Variants in ARHGEF15 observed in about 807,000 individuals in gnomAD.
ARHGEF15 encodes Rho guanine nucleotide exchange factor 15.
A neutral mutation model predicts 79.7 loss-of-function variants in ARHGEF15; 58 were observed. That is an observed-to-expected ratio of 0.73 (90% confidence interval 0.59 to 0.91). The LOEUF (loss-of-function observed/expected upper bound fraction) is 0.91. Ranked by LOEUF, ARHGEF15 falls within the 40% of genes least tolerant of loss-of-function variation. The probability of loss-of-function intolerance (pLI) is 0.00; values close to 1 mark genes in which losing one functional copy is unlikely to be tolerated. For synonymous variants in ARHGEF15, 442 were observed against 456.0 expected (o/e 0.97, Z 0.39); for missense variants, 1,012 against 1,108.1 (o/e 0.91, Z 1.23).
Position 8,318,532 on chromosome 17 carries a change from C to T in ARHGEF15, c.1780-38C>T. The T allele has an allele frequency of 1.2e-6, 2 of 1,612,114 alleles. No homozygotes were observed. The highest frequency in any genetic ancestry group is 1.7e-6 in the Non-Finnish European group (2 of 1,178,694). On this transcript the variant is annotated intron_variant, in intron 10 of 15. Coordinates refer to ENST00000361926, the MANE Select transcript of ARHGEF15 (RefSeq NM_173728.4). This position sits in a 1 kb window ranked among gnomAD's most constrained non-coding sequence, Gnocchi z 5.0. Reference sequence around the variant, plus strand: ...GAGAGAAATGGTAGGGAGCAGGGGGCTGGCCGCTGGGGTGGTGACACAGCT... The same window carrying T: ...GAGAGAAATGGTAGGGAGCAGGGGGTTGGCCGCTGGGGTGGTGACACAGCT...
chr17:8,319,305 C>T lies in ARHGEF15; in HGVS notation c.2187-7C>T, dbSNP rs745869114. ...CCAACTGTGACACTTCCCAATATCC[C>T]CACCAGATCAGACATGCAGCGCTGG... On this transcript the variant is annotated splice_region_variant and splice_polypyrimidine_tract_variant and intron_variant, in intron 13 of 15. Transcript: ENST00000361926. 5 of 1,613,512 alleles carry T rather than the reference C, an allele frequency of 3.1e-6. No individual in the cohort carries two copies. Among genetic ancestry groups the T allele is most frequent in the Non-Finnish European group, 4.2e-6 (5 of 1,179,750 alleles).
At chr17:8,313,386 G>C (rs545757687) in intron 3 of ARHGEF15, 115 bp from the exon 4 acceptor site, 1 of 1,495,924 alleles carries the variant, frequency 6.7e-7, no homozygotes, top group East Asian at 2.3e-5. Flanking sequence ...TGCTGCTCTG[G>C]TGCTGAAGAG....
intron 3 of ARHGEF15, 35 bp from the exon 4 acceptor site, chr17:8,313,465 GT>G (rs747736264): frequency 7.1e-5 from 113 of 1,582,396 alleles, no homozygotes; most frequent in East Asian, 5.4e-4. Context: ...GGATCCTGGA[GT>G]TTTTTTTTCT....
intron 9 of ARHGEF15, 37 bp downstream of exon 9, chr17:8,316,185 A>G (rs1400128086): frequency 2.5e-6 from 4 of 1,589,436 alleles, no homozygotes; most frequent in Admixed American, 1.7e-5. Flanking sequence ...TGCCCCACCA[A>G]CCCCATCGGA....
In ARHGEF15 at chr17:8,314,890, C is replaced by T. The variant is rs368655131; in HGVS notation, c.990-16C>T. On this transcript the variant is annotated splice_polypyrimidine_tract_variant and intron_variant, in intron 4 of 15. Transcript: ENST00000361926. ...GTGGTGGCCCTGGGGACTTCCTTCC[C>T]TTTCTTTCTCCACAGGGAAGAGGAG... 16 of 1,613,516 alleles carry T rather than the reference C, an allele frequency of 9.9e-6. No homozygotes were observed. Among genetic ancestry groups the T allele is most frequent in the Middle Eastern group, 1.7e-4 (1 of 5,992 alleles).
At position 8,312,303 on chromosome 17, in the gene ARHGEF15, G is replaced by A; in HGVS notation, c.264G>A (p.Gln88=). The change falls in exon 2 of 16, where the codon CAG becomes CAA. Residue 88 remains glutamine (Q), a synonymous_variant. Transcript: ENST00000361926. ...CTTCTAGAGCCAGCCTCGACTCCCAGACTTCCCCAGACTCACCTTCCAGCA... is the reference window on the plus strand; with the variant it reads ...CTTCTAGAGCCAGCCTCGACTCCCAAACTTCCCCAGACTCACCTTCCAGCA... ...PSASRASLDS[Q]TSPDSPSSTP... is the part of the protein sequence containing the mutation. The A allele has an allele frequency of 6.4e-7, 1 of 1,555,652 alleles. No homozygotes were observed. Among genetic ancestry groups the A allele is most frequent in the Non-Finnish European group, 8.7e-7 (1 of 1,152,626 alleles).
chr17:8,313,736 G>A, intron 4 of ARHGEF15, 181 bp downstream of exon 4: 2 of 552,282 alleles, frequency 3.6e-6, no homozygotes, highest in Non-Finnish European at 6.1e-6. Context: ...TCAATTCTGT[G>A]ATCTTATAGA....
At position 8,312,352 on chromosome 17, in the gene ARHGEF15, C is replaced by G; in HGVS notation, c.313C>G (p.Arg105Gly). 1 of 1,596,458 alleles carries G rather than the reference C, an allele frequency of 6.3e-7. No homozygotes were observed. Among genetic ancestry groups the G allele is most frequent in the South Asian group, 1.1e-5 (1 of 87,550 alleles). ...SSTPTPSPVS[R>G]RSASPEPAPR... The stretch of plus-strand genomic sequence containing the variant: ...CACCCCCACACCTAGTCCAGTGTCC[C>G]GGCGCTCCGCCTCCCCAGAACCTGC... The change falls in exon 2 of 16, where the codon CGG becomes GGG. Residue 105 changes from arginine (R) to glycine (G), a missense_variant. By Grantham distance (125) the Arg-to-Gly change is moderately radical (BLOSUM62 -2). Coordinates refer to ENST00000361926, the MANE Select transcript of ARHGEF15 (RefSeq NM_173728.4).
At chr17:8,319,727 C>G (rs1377810810) in intron 15 of ARHGEF15, 124 bp downstream of exon 15, 3 of 734,726 alleles carry the variant, frequency 4.1e-6, no homozygotes, top group African/African-American at 1.8e-5. Context: ...CCTCTGCCTC[C>G]TGGGTTCAAG....
chr17:8,321,911 G>A lies in ARHGEF15; in HGVS notation c.*918G>A, dbSNP rs1905409384. ...GAGCCCAAGGGACTGAAGATGGCCAGTAGCTGGGTCCTGAGGCCCCTGAAG... is the reference window on the plus strand; with the variant it reads ...GAGCCCAAGGGACTGAAGATGGCCAATAGCTGGGTCCTGAGGCCCCTGAAG... On this transcript the variant is annotated 3_prime_UTR_variant, in exon 16 of 16. Coordinates refer to ENST00000361926, the MANE Select transcript of ARHGEF15 (RefSeq NM_173728.4). The A allele has an allele frequency of 6.6e-6, 1 of 152,642 alleles. No homozygotes were observed. The highest frequency in any genetic ancestry group is 1.5e-5 in the Non-Finnish European group (1 of 68,094). The allele number at this position is 152,642 out of a possible 1,614,324, so 9.5% of individuals were successfully genotyped here. A position where few individuals can be genotyped will look rare whatever the true frequency, so the allele number is the denominator to read the frequency against.
In ARHGEF15 at chr17:8,320,822, CTCTG is replaced by C; in HGVS notation, c.2375-16_2375-13del. 3 of 1,611,428 alleles carry C rather than the reference CTCTG, an allele frequency of 1.9e-6. No individual in the cohort carries two copies. The highest frequency in any genetic ancestry group is 2.5e-6 in the Non-Finnish European group (3 of 1,179,330). On this transcript the variant is annotated splice_polypyrimidine_tract_variant and intron_variant, in intron 15 of 15. Coordinates refer to ENST00000361926, the MANE Select transcript of ARHGEF15 (RefSeq NM_173728.4). Reference sequence around the variant, plus strand: ...CTCCCTGCCCCCACCTCATTGGAGCCTCTGTCTCTCTTCCCCCAGGTTGGCTGAA... The same window carrying C: ...CTCCCTGCCCCCACCTCATTGGAGCCTCTCTCTTCCCCCAGGTTGGCTGAA...
At chr17:8,312,760 G>T in intron 2 of ARHGEF15, 120 bp downstream of exon 2, 1 of 1,591,188 alleles carries the variant, frequency 6.3e-7, no homozygotes, top group Non-Finnish European at 8.5e-7. Flanking sequence ...GGGATATCTG[G>T]TTTCTGTATG....
Position 8,316,001 on chromosome 17 carries a change from C to T in ARHGEF15, c.1575-18C>T. 6.2e-7 allele frequency: 1 copy of T among 1,600,358 alleles called. No individual in the cohort carries two copies. The highest frequency in any genetic ancestry group is 8.5e-7 in the Non-Finnish European group (1 of 1,178,088). On this transcript the variant is annotated intron_variant, in intron 8 of 15. Transcript: ENST00000361926. ...ACCAGGGCCTCCAGGCAGCCGCTAG[C>T]CATGCCTGCTTCTGCAGGGACACCA...
Position 8,312,587 on chromosome 17 carries a change from G to C in ARHGEF15, c.548G>C (p.Gly183Ala). The change falls in exon 2 of 16, where the codon GGG becomes GCG. Residue 183 changes from glycine (G) to alanine (A), a missense_variant. Physicochemically the swap from Gly to Ala is moderately conservative, Grantham distance 60. Coordinates refer to ENST00000361926, the MANE Select transcript of ARHGEF15 (RefSeq NM_173728.4). ...PGLQARADVN[G>A]EREAPLTGSG... is the part of the protein sequence containing the mutation. ...CTCCAAGCGAGAGCAGATGTGAATG[G>C]GGAGAGAGAAGCTCCCCTCACCGGG... 6.2e-7 allele frequency: 1 copy of C among 1,612,312 alleles called. No homozygotes were observed. The highest frequency in any genetic ancestry group is 8.5e-7 in the Non-Finnish European group (1 of 1,179,344).
intron 4 of ARHGEF15, 103 bp downstream of exon 4, chr17:8,313,658 G>A (rs1037249201): frequency 2.4e-6 from 3 of 1,265,622 alleles, no homozygotes; most frequent in African/African-American, 3.0e-5. Context: ...CTCCACAAAG[G>A]TGAGGGGACA....
intron 9 of ARHGEF15, among the ~76,000 whole-genome samples, chr17:8,317,372 T>A (rs1905090466): frequency 6.6e-6 from 1 of 152,254 alleles, no homozygotes; most frequent in South Asian, 2.1e-4. Context: ...AGCTCTAGCA[T>A]TATAGGTGTG....
chr17:8,313,476 T>C, intron 3 of ARHGEF15, 25 bp from the exon 4 acceptor site: 1 of 1,604,576 alleles, frequency 6.2e-7, no homozygotes. Flanking sequence ...TTTTTTTTTC[T>C]CTTCACTCTG....
rs765386914 is a variant in ARHGEF15 at position 8,312,013 on chromosome 17, T to G, written c.-27T>G. 1.0e-5 allele frequency: 16 copies of G among 1,546,338 alleles called. No homozygotes were observed. Among genetic ancestry groups the G allele is most frequent in the Middle Eastern group, 3.6e-4 (2 of 5,614 alleles). On this transcript the variant is annotated 5_prime_UTR_variant, in exon 2 of 16. Coordinates refer to ENST00000361926, the MANE Select transcript of ARHGEF15 (RefSeq NM_173728.4). ...CAGGGGATGACTCCAGCAGAGCACCTCACTCCTTTGAAGAGCACAGAGGAA... is the reference window on the plus strand; with the variant it reads ...CAGGGGATGACTCCAGCAGAGCACCGCACTCCTTTGAAGAGCACAGAGGAA...
intron 4 of ARHGEF15, among the ~76,000 whole-genome samples, chr17:8,314,505 G>C (rs1489760569): frequency 6.6e-6 from 1 of 152,026 alleles, no homozygotes; most frequent in African/African-American, 2.4e-5. Flanking sequence ...TGCTACGTGA[G>C]ACGGCTGACA....
Sources: gnomAD v4.1 joint callset for allele counts (sites outside exome capture counted in the v4.1 genomes callset) on GRCh38, gnomAD v4.1.1 for gene constraint, Gnocchi (gnomAD v3.1) non-coding constraint, MANE v1.5 for transcripts, NCBI Gene and HGNC (gene_info 2026-07-23, HGNC 2026-07-21) for gene names.